The following MRPS27 variants were observed in gnomAD, a reference collection of about 807,000 sequenced individuals.
MRPS27 encodes mitochondrial ribosomal protein S27, also known as small ribosomal subunit protein mS27.
Under a neutral mutation model 48.9 loss-of-function variants are expected in MRPS27, and 43 were observed. That is an observed-to-expected ratio of 0.88 (90% CI 0.69 to 1.13). The LOEUF (loss-of-function observed/expected upper bound fraction) is 1.13. MRPS27 is among the 50% of genes most tolerant of loss of function. The pLI, the probability that MRPS27 is intolerant of heterozygous loss-of-function variation, is 0.00. For missense variants in MRPS27, 467 were observed against 476.3 expected, an observed-to-expected ratio of 0.98 and a Z score of 0.18; for synonymous variants, 188 against 171.9, an observed-to-expected ratio of 1.09 and a Z score of -0.73.
intron 2 of MRPS27, among the ~76,000 whole-genome samples, chr5:72,299,359 G>A (rs1348971758): frequency 6.6e-6 from 1 of 151,254 alleles, no homozygotes; most frequent in Non-Finnish European, 1.5e-5. Context: ...GCGGGGAAAG[G>A]ATCAATAAAA....
chr5:72,257,715 GCTAT>G (rs1202328208), intron 4 of MRPS27, among the ~76,000 whole-genome samples: 1 of 150,824 alleles, frequency 6.6e-6, no homozygotes, highest in East Asian at 1.9e-4. Context: ...TTTAAAAATG[GCTAT>G]CTCAGTTGAG....
chr5:72,225,261 T>A (rs553356273), intron 9 of MRPS27, among the ~76,000 whole-genome samples: 1 of 152,132 alleles, frequency 6.6e-6, no homozygotes, highest in Non-Finnish European at 1.5e-5. Flanking sequence ...CCTGACCACC[T>A]CAGGACTGAA....
intron 5 of MRPS27, among the ~76,000 whole-genome samples, chr5:72,236,726 T>C (rs1748206988): frequency 6.6e-6 from 1 of 152,098 alleles, no homozygotes; most frequent in Admixed American, 6.6e-5. Flanking sequence ...TGTATTACTG[T>C]TCAGACTGAG....
chr5:72,313,810 A>G (rs1005971785), intron 2 of MRPS27, among the ~76,000 whole-genome samples: 2 of 152,226 alleles, frequency 1.3e-5, no homozygotes, highest in African/African-American at 4.8e-5. Context: ...CATGAAAACC[A>G]TATGGTAAAA....
intron 4 of MRPS27, among the ~76,000 whole-genome samples, chr5:72,258,070 C>T (rs1394758294): frequency 2.3e-5 from 3 of 128,422 alleles, no homozygotes; most frequent in African/African-American, 6.1e-5. Flanking sequence ...GACAACAGAG[C>T]GAGACTCTGT....
chr5:72,298,575 G>A (rs893508974), intron 2 of MRPS27, among the ~76,000 whole-genome samples: 5 of 151,766 alleles, frequency 3.3e-5, no homozygotes, highest in Admixed American at 6.6e-5. Flanking sequence ...GCGCGGTGGC[G>A]GGCGCCTGTA....
chr5:72,226,273 C>A, intron 8 of MRPS27, 74 bp from the exon 9 acceptor site: 2 of 1,561,934 alleles, frequency 1.3e-6, no homozygotes, highest in Non-Finnish European at 1.8e-6. Context: ...GACCTGAAGG[C>A]CCAAGTGAAT....
chr5:72,294,391 A>C (rs1749922354), intron 4 of MRPS27, among the ~76,000 whole-genome samples: 1 of 152,200 alleles, frequency 6.6e-6, no homozygotes, highest in South Asian at 2.1e-4. Context: ...CAAAACAAGC[A>C]AGATCAAATG....
At chr5:72,237,647 C>T (rs967903434) in intron 5 of MRPS27, among the ~76,000 whole-genome samples, 1 of 152,026 alleles carries the variant, frequency 6.6e-6, no homozygotes, top group African/African-American at 2.4e-5. Context: ...TGGGAGGAGT[C>T]AGGGAACTCC....
In MRPS27 at chr5:72,307,099, A is replaced by C. The variant is rs186921354; in HGVS notation, c.151+6982T>G. ...CCAGGAGCGGTGGCTCACGCCTGTA[A>C]TCCCAGCACTTGGGGAGGCCGAGGT... On this transcript the variant is annotated intron_variant, in intron 2 of 10. Transcript: ENST00000261413. 1.6e-3 allele frequency among the ~76,000 whole-genome samples: 247 copies of C among 152,298 alleles called. 2 individuals are homozygous for C. The East Asian group carries it at 0.041, about 26-fold the overall frequency.
At chr5:72,226,687 C>T (rs1006088637) in intron 8 of MRPS27, among the ~76,000 whole-genome samples, 24 of 142,256 alleles carry the variant, frequency 1.7e-4, no homozygotes, top group African/African-American at 5.4e-4. Context: ...CTTCAAAACA[C>T]CCAATCCTTA....
chr5:72,291,019 G>A (rs1478832944), intron 4 of MRPS27, among the ~76,000 whole-genome samples: 2 of 152,100 alleles, frequency 1.3e-5, no homozygotes, highest in East Asian at 1.9e-4. Context: ...CCCTGCCAGC[G>A]CTGGTCTCCT....
At chr5:72,228,169 T>C (rs750147497) in intron 8 of MRPS27, 97 bp downstream of exon 8, 2 of 1,099,026 alleles carry the variant, frequency 1.8e-6, no homozygotes, top group Non-Finnish European at 2.7e-6. Flanking sequence ...TGGATTTCAC[T>C]GGTAAATTTA....
chr5:72,244,609 A>G (rs1371296368), intron 4 of MRPS27, among the ~76,000 whole-genome samples: 1 of 152,188 alleles, frequency 6.6e-6, no homozygotes, highest in Non-Finnish European at 1.5e-5. Context: ...TTTACTGAGT[A>G]GCTACCTTTT....
chr5:72,308,818 G>A (rs1750355656), intron 2 of MRPS27, among the ~76,000 whole-genome samples: 1 of 152,354 alleles, frequency 6.6e-6, no homozygotes, highest in Admixed American at 6.5e-5. Flanking sequence ...TCCAAGCAGT[G>A]TGAGTTCCAA....
At chr5:72,235,153 C>T (rs1208998319) in intron 5 of MRPS27, among the ~76,000 whole-genome samples, 1 of 152,148 alleles carries the variant, frequency 6.6e-6, no homozygotes, top group East Asian at 1.9e-4. Context: ...CTAAAAACCA[C>T]TGTTTTAAAG....
rs1422002762 is a variant in MRPS27 at position 72,309,271 on chromosome 5, C to CT, written c.151+4809dup. On this transcript the variant is annotated intron_variant, in intron 2 of 10. Coordinates refer to ENST00000261413, the MANE Select transcript of MRPS27 (RefSeq NM_015084.3). ...CTATGTGATATTTACTCATTGCAGA[C>CT]TTTTTTTTTTTTGAGACAGAGTCAG... Among the ~76,000 whole-genome samples, 620 of 145,646 alleles carry CT rather than the reference C, an allele frequency of 4.3e-3. 2 individuals carry two copies. The highest frequency in any genetic ancestry group is 6.5e-3 in the Non-Finnish European group (431 of 65,808).
intron 4 of MRPS27, among the ~76,000 whole-genome samples, chr5:72,293,706 G>A (rs990006423): frequency 1.3e-5 from 2 of 152,184 alleles, no homozygotes; most frequent in African/African-American, 4.8e-5. Flanking sequence ...CTGAGTCACT[G>A]AAATCAATTT....
intron 4 of MRPS27, among the ~76,000 whole-genome samples, chr5:72,287,697 AAT>A (rs1319834971): frequency 6.6e-6 from 1 of 152,254 alleles, no homozygotes; most frequent in Non-Finnish European, 1.5e-5. Flanking sequence ...TACCAAAGGA[AAT>A]ATCATTACTC....
Sources: gnomAD v4.1 joint callset for allele counts (sites outside exome capture counted in the v4.1 genomes callset) on GRCh38, gnomAD v4.1.1 for gene constraint, MANE v1.5 for transcripts, NCBI Gene and HGNC (gene_info 2026-07-23, HGNC 2026-07-21) for gene names.